The following UPRT variants were observed in gnomAD, a reference collection of about 807,000 sequenced individuals.
UPRT encodes uracil phosphoribosyltransferase homolog.
Under a neutral mutation model 22.6 loss-of-function variants are expected in UPRT, and 5 were observed. The observed-to-expected ratio is 0.22, with a 90% confidence interval of 0.12 to 0.47. UPRT has a LOEUF of 0.47. Among genes scored for constraint, UPRT ranks in the 20% least tolerant of loss-of-function variants. The pLI is 0.99. For missense variants in UPRT, 181 were observed against 239.9 expected (o/e 0.75, Z 1.62); for synonymous variants, 77 against 87.7 (o/e 0.88, Z 0.68).
At chrX:75,229,264 G>A (rs1478287065) in intron 4 of UPRT, among the ~76,000 whole-genome samples, 1 of 111,812 alleles carries the variant, frequency 8.9e-6, no homozygotes, top group Admixed American at 9.5e-5. Context: ...AAATCATCGT[G>A]TATACCTTGA....
At chrX:75,282,950 A>C (rs2082664489) in intron 1 of UPRT, among the ~76,000 whole-genome samples, 1 of 111,638 alleles carries the variant, frequency 9.0e-6, no homozygotes. Flanking sequence ...TAAATTTGGG[A>C]GGTCCTATGT....
chrX:75,163,217 C>A (rs751796743), exon 3 of UPRT, among the ~76,000 whole-genome samples: 13 of 111,678 alleles, frequency 1.2e-4, no homozygotes, highest in Non-Finnish European at 2.4e-4. Context: ...CACGTGACCC[C>A]TTTTATAGGT....
chrX:75,274,508 G>A lies in UPRT; in HGVS notation c.254G>A (p.Ser85Asn). The A allele has an allele frequency of 8.3e-7, 1 of 1,211,918 alleles. No homozygotes were observed. Among genetic ancestry groups the A allele is most frequent in the Non-Finnish European group, 1.1e-6 (1 of 895,565 alleles). Residue 85 changes from serine (S) to asparagine (N), a missense_variant, in exon 1 of 7, where the codon AGT becomes AAT. Ser to Asn is a conservative substitution (Grantham distance 46). Around this residue, in one of 2 missense-constraint regions of UPRT, gnomAD observed 111 missense variants for 102.8 expected, o/e 1.08. Coordinates refer to ENST00000373383, the MANE Select transcript of UPRT (RefSeq NM_145052.4). ...NSEGNSGSGD[S>N]SSYDAPAGNS... ...GAGGGCAACAGTGGTAGTGGTGACA[G>A]TAGCAGCTATGACGCACCAGCTGGC...
chrX:75,226,386 A>T (rs2082424002), intron 4 of UPRT, among the ~76,000 whole-genome samples: 1 of 111,391 alleles, frequency 9.0e-6, no homozygotes, highest in East Asian at 2.8e-4. Context: ...GATTAAAACC[A>T]TTTGCTGTCT....
chrX:75,244,752 T>C (rs749650129), intron 4 of UPRT, among the ~76,000 whole-genome samples: 2 of 110,774 alleles, frequency 1.8e-5, no homozygotes, highest in Non-Finnish European at 3.8e-5. Context: ...CCCTTCCTTA[T>C]GCCATATACA....
intron 4 of UPRT, among the ~76,000 whole-genome samples, chrX:75,192,008 T>C (rs2082316940): frequency 9.0e-6 from 1 of 111,511 alleles, no homozygotes. Context: ...ATGAACCTGG[T>C]ACCTCCGTTG....
At chrX:75,299,928 G>A (rs371136388) in intron 5 of UPRT, 32 bp downstream of exon 5, 3 of 1,193,442 alleles carry the variant, frequency 2.5e-6, no homozygotes, top group African/African-American at 3.5e-5. Flanking sequence ...GTAACCTTTG[G>A]TTAGGGTTTA....
chrX:75,248,622 T>A (rs2082515997), intron 4 of UPRT, among the ~76,000 whole-genome samples: 1 of 111,811 alleles, frequency 8.9e-6, no homozygotes, highest in Admixed American at 9.5e-5. Flanking sequence ...GGAACCAAGT[T>A]GGAAAACACT....
In UPRT at chrX:75,268,871, C is replaced by G. The variant is rs748905695; in HGVS notation, c.-446-22153C>G. 3.6e-5 allele frequency among the ~76,000 whole-genome samples: 4 copies of G among 112,004 alleles called. No individual in the cohort carries two copies. The South Asian group carries it at 1.5e-3, about 42-fold the overall frequency. On this transcript the variant is annotated intron_variant, in intron 4 of 13. Coordinates refer to the UPRT transcript ENST00000652605. Reference sequence around the variant, plus strand: ...CACAAGACAAGGATGGCCTCTCTCACCACTCCTATTCAACATAGTATTGGA... The same window carrying G: ...CACAAGACAAGGATGGCCTCTCTCAGCACTCCTATTCAACATAGTATTGGA...
At chrX:75,186,283 A>G (rs760956729) in intron 4 of UPRT, among the ~76,000 whole-genome samples, 372 of 111,476 alleles carry the variant, frequency 3.3e-3, no homozygotes, top group Non-Finnish European at 4.7e-3. Context: ...TTATGTACCC[A>G]GTAGTCATTC....
chrX:75,162,540 C>T (rs2082203185), intron 2 of UPRT, among the ~76,000 whole-genome samples: 1 of 90,207 alleles, frequency 1.1e-5, no homozygotes, highest in South Asian at 5.2e-4. Flanking sequence ...AATTAGTTAT[C>T]TGGAAAATTA....
At chrX:75,218,805 G>T (rs1329021735) in intron 4 of UPRT, among the ~76,000 whole-genome samples, 1 of 107,395 alleles carries the variant, frequency 9.3e-6, no homozygotes, top group Non-Finnish European at 1.9e-5. Context: ...ACCAAACACC[G>T]CATATTCTCA....
At chrX:75,250,383 C>G (rs898781793) in intron 4 of UPRT, among the ~76,000 whole-genome samples, 18 of 110,674 alleles carry the variant, frequency 1.6e-4, no homozygotes, top group Non-Finnish European at 3.0e-4. Flanking sequence ...GGGGATATCA[C>G]CACCGATCCC....
chrX:75,261,852 C>T (rs2082568973), intron 4 of UPRT, among the ~76,000 whole-genome samples: 1 of 111,617 alleles, frequency 9.0e-6, no homozygotes, highest in Non-Finnish European at 1.9e-5. Flanking sequence ...CCCTGGGATG[C>T]AAGGCTGGTT....
intron 4 of UPRT, among the ~76,000 whole-genome samples, chrX:75,243,178 AT>A (rs1034184266): frequency 1.8e-5 from 2 of 111,171 alleles, no homozygotes; most frequent in South Asian, 3.7e-4. Flanking sequence ...TTATCCTTTC[AT>A]TTTTTAAAAA....
At chrX:75,182,401 C>T (rs189399649) in intron 4 of UPRT, among the ~76,000 whole-genome samples, 1 of 111,810 alleles carries the variant, frequency 8.9e-6, no homozygotes, top group East Asian at 2.8e-4. Context: ...CCTTTTTCCT[C>T]AATTCTTTGG....
At chrX:75,159,768 A>AG (rs2082193349) in intron 1 of UPRT, among the ~76,000 whole-genome samples, 1 of 84,553 alleles carries the variant, frequency 1.2e-5, no homozygotes, top group African/African-American at 4.1e-5. Flanking sequence ...TACTTGCCTT[A>AG]AATTTTTTTT....
chrX:75,223,071 T>C (rs1236119472), intron 4 of UPRT, among the ~76,000 whole-genome samples: 1 of 109,868 alleles, frequency 9.1e-6, no homozygotes, highest in Non-Finnish European at 1.9e-5. Flanking sequence ...TTTTGTGGAC[T>C]GGGTCCTTCC....
At chrX:75,277,059 C>T (rs184921160) in intron 1 of UPRT, among the ~76,000 whole-genome samples, 8 of 112,157 alleles carry the variant, frequency 7.1e-5, no homozygotes, top group Admixed American at 3.8e-4. Context: ...AAGGTTCATC[C>T]GTGTGGGATC....
Sources: gnomAD v4.1 joint callset for allele counts (sites outside exome capture counted in the v4.1 genomes callset) on GRCh38, gnomAD v4.1.1 for gene constraint, gnomAD v4.1.1 regional missense constraint, MANE v1.5 for transcripts, NCBI Gene and HGNC (gene_info 2026-07-23, HGNC 2026-07-21) for gene names.